ADAMTS17: variants seen among roughly 807,000 people sequenced by gnomAD.
ADAMTS17 encodes ADAM metallopeptidase with thrombospondin type 1 motif 17, also known as A disintegrin and metalloproteinase with thrombospondin motifs 17.
ADAMTS17 carries 113 observed loss-of-function variants against 141.5 expected under a neutral mutation model. The observed-to-expected ratio is 0.80, with a 90% CI of 0.69 to 0.93. ADAMTS17 has a LOEUF of 0.93. Ranked by LOEUF, ADAMTS17 falls within the 40% of genes least tolerant of loss-of-function variation. The probability of loss-of-function intolerance (pLI) is 0.00; values close to 1 mark genes in which losing one functional copy is unlikely to be tolerated. For synonymous variants in ADAMTS17, 768 were observed against 630.6 expected, an observed-to-expected ratio of 1.22 and a Z score of -3.27; for missense variants, 1,659 against 1,517.9, an observed-to-expected ratio of 1.09 and a Z score of -1.54.
intron 7 of ADAMTS17, among the ~76,000 whole-genome samples, chr15:100,251,447 C>T (rs1044567836): frequency 7.2e-5 from 11 of 152,300 alleles, no homozygotes; most frequent in East Asian, 3.9e-4. Context: ...TAAGGTTGGC[C>T]GGGCGCAGTG....
chr15:99,996,985 ATC>A (rs1230984412), intron 19 of ADAMTS17, among the ~76,000 whole-genome samples: 1 of 152,228 alleles, frequency 6.6e-6, no homozygotes, highest in Non-Finnish European at 1.5e-5. Context: ...CCCTCCTGGC[ATC>A]TGACTCTCGT....
intron 8 of ADAMTS17, among the ~76,000 whole-genome samples, chr15:100,197,280 G>C (rs1011517797): frequency 1.3e-5 from 2 of 152,224 alleles, no homozygotes; most frequent in African/African-American, 4.8e-5. Flanking sequence ...TGCAGTTCAT[G>C]TAACTATAGC....
intron 15 of ADAMTS17, among the ~76,000 whole-genome samples, chr15:100,088,256 A>C (rs910279816): frequency 2.0e-5 from 3 of 152,228 alleles, no homozygotes; most frequent in African/African-American, 2.4e-5. Context: ...CAAAGAGAAT[A>C]AAATACCTAG....
intron 3 of ADAMTS17, among the ~76,000 whole-genome samples, chr15:100,329,144 C>T (rs2045975541): frequency 6.6e-6 from 1 of 152,112 alleles, no homozygotes. Flanking sequence ...TGCTAAGGTA[C>T]AGCCAGGACT....
At chr15:100,011,466 GAAC>G (rs1000975974) in intron 18 of ADAMTS17, among the ~76,000 whole-genome samples, 4 of 150,602 alleles carry the variant, frequency 2.7e-5, no homozygotes, top group Admixed American at 1.3e-4. Flanking sequence ...GGAAAGGAGA[GAAC>G]AAAGGCAGGC....
rs1284178159 is a variant in ADAMTS17, at chr15:100,109,039, T to C, written c.1966A>G (p.Thr656Ala). 1 of 1,614,108 alleles carries C rather than the reference T, an allele frequency of 6.2e-7. No homozygotes were observed. Reference protein sequence around the residue: ...LLVADRVLDGTPCGPYETDLC... With the variant: ...LLVADRVLDGAPCGPYETDLC... ...TCAGTCTCGTAGGGCCCGCAGGGTG[T>C]ACCGTCCAGGACCCTGTCGGCCACC... Residue 656 changes from threonine (T) to alanine (A), a missense_variant, in exon 14 of 22, where the codon ACA becomes GCA. Transcript: ENST00000268070.
chr15:100,085,037 A>T (rs2035006411), intron 15 of ADAMTS17, among the ~76,000 whole-genome samples: 1 of 152,186 alleles, frequency 6.6e-6, no homozygotes, highest in Non-Finnish European at 1.5e-5. Flanking sequence ...AAAAGATCAA[A>T]CTACTCCAAG....
intron 20 of ADAMTS17, among the ~76,000 whole-genome samples, chr15:99,977,395 TA>T (rs1567632537): frequency 2.4e-3 from 19 of 7,804 alleles, no homozygotes; most frequent in Non-Finnish European, 3.8e-3. Context: ...TATATATATA[TA>T]TATAATTTTT....
At chr15:99,975,230 G>C (rs2060296568) in intron 21 of ADAMTS17, among the ~76,000 whole-genome samples, 1 of 152,210 alleles carries the variant, frequency 6.6e-6, no homozygotes, top group African/African-American at 2.4e-5. Context: ...TTTTTGTTGA[G>C]ATGGAGTCTT....
At chr15:100,097,287 G>C (rs1186320372) in intron 14 of ADAMTS17, among the ~76,000 whole-genome samples, 2 of 152,238 alleles carry the variant, frequency 1.3e-5, no homozygotes, top group East Asian at 1.9e-4. Flanking sequence ...CCCCTATAAA[G>C]CTAATGCTTC....
intron 10 of ADAMTS17, among the ~76,000 whole-genome samples, chr15:100,137,731 G>A (rs1209518650): frequency 6.6e-6 from 1 of 152,186 alleles, no homozygotes; most frequent in Non-Finnish European, 1.5e-5. Context: ...ATACACTACT[G>A]TATAGCAATG....
chr15:100,134,099 G>A (rs1018581043), intron 10 of ADAMTS17, among the ~76,000 whole-genome samples: 6 of 152,218 alleles, frequency 3.9e-5, no homozygotes, highest in Admixed American at 2.0e-4. Context: ...TGTCCTCTCT[G>A]AAGGAACCAC....
intron 7 of ADAMTS17, among the ~76,000 whole-genome samples, chr15:100,236,300 A>AAAC (rs1555490208): frequency 1.3e-5 from 2 of 148,344 alleles, no homozygotes. Context: ...AAAAAAAAAA[A>AAAC]CCCTAACAAG....
intron 18 of ADAMTS17, among the ~76,000 whole-genome samples, chr15:100,047,395 T>G (rs1172437667): frequency 6.6e-6 from 1 of 150,974 alleles, no homozygotes; most frequent in East Asian, 1.9e-4. Flanking sequence ...TCCCTCCCCT[T>G]TTGAAAATCC....
At chr15:100,144,057 A>G (rs1024755147) in intron 10 of ADAMTS17, among the ~76,000 whole-genome samples, 10 of 152,362 alleles carry the variant, frequency 6.6e-5, no homozygotes, top group Non-Finnish European at 5.9e-5. Context: ...TATAAAATAC[A>G]TAAGATAACC....
rs12442012 is a variant in ADAMTS17 at position 100,053,420 on chromosome 15, C to T, written c.2295+477G>A. Among the ~76,000 whole-genome samples the T allele has an allele frequency of 7.4e-3, 1,125 of 152,284 alleles. 32 individuals are homozygous for T. Among genetic ancestry groups the T allele is most frequent in the Admixed American group, 0.051 (787 of 15,296 alleles). ...TCCCCCTCCCTGATTCCCAAATGCT[C>T]GTTGCAAGCTGGGTCTGTGAAACCT... On this transcript the variant is annotated intron_variant, in intron 16 of 21. Coordinates refer to ENST00000268070, the MANE Select transcript of ADAMTS17 (RefSeq NM_139057.4).
intron 8 of ADAMTS17, among the ~76,000 whole-genome samples, chr15:100,197,237 T>C (rs1196428732): frequency 6.6e-6 from 1 of 152,270 alleles, no homozygotes; most frequent in Non-Finnish European, 1.5e-5. Context: ...GCACTTAGCA[T>C]GTGCCATGCT....
intron 18 of ADAMTS17, among the ~76,000 whole-genome samples, chr15:100,021,684 A>C (rs949266155): frequency 6.6e-6 from 1 of 152,172 alleles, no homozygotes; most frequent in African/African-American, 2.4e-5. Context: ...AGCTGTTTTC[A>C]GGAATATATG....
Position 100,133,330 on chromosome 15 carries a change from A to T in ADAMTS17, c.1474-15T>A. 1 of 1,566,582 alleles carries T rather than the reference A, an allele frequency of 6.4e-7. No homozygotes were observed. Among genetic ancestry groups the T allele is most frequent in the Non-Finnish European group, 8.7e-7 (1 of 1,153,006 alleles). ...CACATTAGATGCTGCAGGACAAGGG[A>T]AGGAACCATAATTGTGGAGAACACC... On this transcript the variant is annotated splice_polypyrimidine_tract_variant and intron_variant, in intron 10 of 21. Coordinates refer to ENST00000268070, the MANE Select transcript of ADAMTS17 (RefSeq NM_139057.4).
Sources: allele counts gnomAD v4.1 joint callset (sites outside exome capture counted in the v4.1 genomes callset), GRCh38; gene constraint gnomAD v4.1.1; transcripts MANE v1.5; gene names NCBI Gene and HGNC (gene_info 2026-07-23, HGNC 2026-07-21).